GPM6A: variants seen among roughly 807,000 people sequenced by gnomAD.
GPM6A encodes glycoprotein M6A, also known as neuronal membrane glycoprotein M6-a.
Under a neutral mutation model 32.1 loss-of-function variants are expected in GPM6A, and 7 were observed. That is an observed-to-expected ratio of 0.22 (90% CI 0.12 to 0.41). The LOEUF is 0.41. Ranked by LOEUF, GPM6A falls within the 10% of genes least tolerant of loss-of-function variation. GPM6A has a pLI of 1.00. For synonymous variants in GPM6A, 130 were observed against 123.4 expected (o/e 1.05, Z -0.35); for missense variants, 235 against 347.2 (o/e 0.68, Z 2.57).
chr4:175,878,537 G>T (rs1488246312), intron 1 of GPM6A, among the ~76,000 whole-genome samples: 1 of 152,182 alleles, frequency 6.6e-6, no homozygotes, highest in Non-Finnish European at 1.5e-5. Context: ...GCAATGACCT[G>T]AGTGGTATCT....
intron 1 of GPM6A, among the ~76,000 whole-genome samples, chr4:175,847,824 C>G (rs1413380728): frequency 1.3e-5 from 2 of 152,126 alleles, no homozygotes; most frequent in Admixed American, 6.6e-5. Flanking sequence ...AAAGTTACAG[C>G]TGTAGCACGT....
rs1185475909 is a variant in GPM6A at position 175,903,882 on chromosome 4, T to C, written c.-22-91633A>G. Among the ~76,000 whole-genome samples the C allele has an allele frequency of 2.6e-5, 4 of 152,108 alleles. No individual in the cohort carries two copies. The East Asian group carries it at 7.7e-4, about 29-fold the overall frequency. ...AGCCAGCCAAAGCGAATATGGACCA[T>C]GGATAACGTGATATATAGTATCAAT... On this transcript the variant is annotated intron_variant, in intron 1 of 7. Coordinates refer to the GPM6A transcript ENST00000280187.
At chr4:175,761,755 A>G (rs17658523) in intron 1 of GPM6A, among the ~76,000 whole-genome samples, 57,871 of 151,622 alleles carry the variant, frequency 0.38, 11,406 homozygotes, top group Non-Finnish European at 0.43. Context: ...GTCTAGGAAC[A>G]TGATAAATAA....
chr4:175,931,709 C>CACACACATATAT (rs1324269132), intron 1 of GPM6A, among the ~76,000 whole-genome samples: 63 of 129,288 alleles, frequency 4.9e-4, no homozygotes, highest in African/African-American at 1.8e-3. Context: ...CACACACACA[C>CACACACATATAT]ATATATATAT....
chr4:175,850,576 G>T (rs1196400781), intron 1 of GPM6A, among the ~76,000 whole-genome samples: 1 of 152,128 alleles, frequency 6.6e-6, no homozygotes, highest in Non-Finnish European at 1.5e-5. Context: ...ATTCAGGAAA[G>T]AGTCTGGGTG....
chr4:175,691,813 T>A (rs1322290147), intron 2 of GPM6A, among the ~76,000 whole-genome samples: 1 of 152,218 alleles, frequency 6.6e-6, no homozygotes, highest in Non-Finnish European at 1.5e-5. Context: ...CTGGATTATC[T>A]GGGTAGCCCC....
chr4:175,887,637 C>CT (rs1737504121), intron 1 of GPM6A, among the ~76,000 whole-genome samples: 1 of 151,386 alleles, frequency 6.6e-6, no homozygotes, highest in African/African-American at 2.4e-5. Context: ...TTTGACAAAC[C>CT]ACTGCAAGTG....
chr4:175,827,479 C>T (rs191371004), intron 1 of GPM6A, among the ~76,000 whole-genome samples: 4 of 152,290 alleles, frequency 2.6e-5, no homozygotes, highest in Admixed American at 6.5e-5. Context: ...AGCTAGTAAA[C>T]GGCAGAGCTG....
intron 1 of GPM6A, among the ~76,000 whole-genome samples, chr4:175,837,208 G>GCTCCT (rs1735796266): frequency 6.6e-6 from 1 of 152,010 alleles, no homozygotes; most frequent in African/African-American, 2.4e-5. Context: ...AGGAATACAG[G>GCTCCT]GAACCTCTAG....
intron 2 of GPM6A, among the ~76,000 whole-genome samples, chr4:175,677,775 A>G (rs969879879): frequency 6.6e-6 from 1 of 152,182 alleles, no homozygotes; most frequent in Admixed American, 6.5e-5. Flanking sequence ...TTAGAAAAGA[A>G]CTTATAAACA....
chr4:175,743,841 C>T (rs1275644182), intron 1 of GPM6A, among the ~76,000 whole-genome samples: 1 of 151,506 alleles, frequency 6.6e-6, no homozygotes, highest in East Asian at 1.9e-4. Context: ...AATATGTAGG[C>T]ACCTAATTAA....
intron 1 of GPM6A, among the ~76,000 whole-genome samples, chr4:175,941,980 A>AGAAACACT (rs1739427108): frequency 6.6e-6 from 1 of 152,196 alleles, no homozygotes; most frequent in Non-Finnish European, 1.5e-5. Flanking sequence ...GGTTGAACTA[A>AGAAACACT]TTTACACTCC....
chr4:175,939,262 C>T (rs1176215075), intron 1 of GPM6A, among the ~76,000 whole-genome samples: 1 of 152,096 alleles, frequency 6.6e-6, no homozygotes, highest in Non-Finnish European at 1.5e-5. Context: ...GGCCAAAGAG[C>T]CCTGAGGGGG....
chr4:175,763,590 G>GA (rs1034843032), intron 1 of GPM6A, among the ~76,000 whole-genome samples: 1 of 151,928 alleles, frequency 6.6e-6, no homozygotes, highest in Non-Finnish European at 1.5e-5. Flanking sequence ...TTTATCTAGG[G>GA]AAAAATGCAA....
intron 1 of GPM6A, among the ~76,000 whole-genome samples, chr4:175,827,781 G>C (rs1735484978): frequency 6.6e-6 from 1 of 152,138 alleles, no homozygotes; most frequent in Admixed American, 6.5e-5. Context: ...ATTCGTAAAT[G>C]AGGAAAAGAA....
At chr4:175,860,696 C>G (rs1161115111) in intron 1 of GPM6A, among the ~76,000 whole-genome samples, 1 of 152,170 alleles carries the variant, frequency 6.6e-6, no homozygotes, top group Non-Finnish European at 1.5e-5. Context: ...AGCAGAACCC[C>G]CAGCTTAAAC....
At chr4:175,696,369 T>C (rs1744579280) in intron 2 of GPM6A, among the ~76,000 whole-genome samples, 1 of 152,202 alleles carries the variant, frequency 6.6e-6, no homozygotes, top group Non-Finnish European at 1.5e-5. Context: ...AAAATCTTAT[T>C]CACCACACTA....
chr4:175,919,266 T>C (rs1436514966), intron 1 of GPM6A, among the ~76,000 whole-genome samples: 2 of 152,136 alleles, frequency 1.3e-5, no homozygotes, highest in Non-Finnish European at 2.9e-5. Flanking sequence ...AATGAGTTTT[T>C]TTGAGGTACT....
chr4:175,958,424 T>C (rs1287843473), intron 1 of GPM6A, among the ~76,000 whole-genome samples: 2 of 152,206 alleles, frequency 1.3e-5, no homozygotes, highest in African/African-American at 2.4e-5. Flanking sequence ...CAAATTATGA[T>C]TGTATTTGAA....
Sources: allele counts gnomAD v4.1 joint callset (sites outside exome capture counted in the v4.1 genomes callset), GRCh38; gene constraint gnomAD v4.1.1; transcripts MANE v1.5; gene names NCBI Gene and HGNC (gene_info 2026-07-23, HGNC 2026-07-21).